TBPL2: variants seen among roughly 807,000 people sequenced by gnomAD.
TBPL2 encodes the protein TATA-box binding protein like 2, also known as TATA box-binding protein-like 2.
TBPL2 carries 40 observed loss-of-function variants against 38.2 expected under a neutral mutation model. The ratio of observed to expected loss-of-function variants is 1.05; its 90% confidence interval spans 0.81 to 1.36. The LOEUF (loss-of-function observed/expected upper bound fraction) is 1.36, where lower values mean the gene tolerates loss of function less well. Among genes scored for constraint, TBPL2 ranks in the 40% most tolerant of loss-of-function variants. The pLI is 0.00. For synonymous variants in TBPL2, 169 were observed against 171.7 expected (o/e 0.98, Z 0.12); for missense variants, 461 against 456.7 (o/e 1.01, Z -0.09).
chr14:55,422,544 C>T (rs936587820), intron 6 of TBPL2, among the ~76,000 whole-genome samples: 38 of 152,106 alleles, frequency 2.5e-4, no homozygotes, highest in Non-Finnish European at 5.0e-4. Flanking sequence ...CCACCGCGCC[C>T]GGTCATAAAA....
chr14:55,419,714 A>G (rs2140165187), intron 6 of TBPL2, among the ~76,000 whole-genome samples: 1 of 152,344 alleles, frequency 6.6e-6, no homozygotes, highest in East Asian at 1.9e-4. Flanking sequence ...ATATGGATAA[A>G]TTATTTTCAA....
At position 55,415,682 on chromosome 14, in the gene TBPL2, C is replaced by A. The variant is rs138930231; in HGVS notation, c.1052-1227G>T. On this transcript the variant is annotated intron_variant, in intron 6 of 6. Coordinates refer to ENST00000247219, the Ensembl canonical transcript of TBPL2. ...GAGTTCAAGACCAGCCTGGCCAACA[C>A]GGCGAAACCCCCGTCTCTACTAAAA... 8.4e-3 allele frequency among the ~76,000 whole-genome samples: 1,281 copies of A among 151,938 alleles called. 18 individuals are homozygous for A. The highest frequency in any genetic ancestry group is 0.029 in the African/African-American group (1,211 of 41,406).
intron 6 of TBPL2, among the ~76,000 whole-genome samples, chr14:55,418,970 A>C (rs1885706246): frequency 6.6e-6 from 1 of 152,246 alleles, no homozygotes; most frequent in Non-Finnish European, 1.5e-5. Flanking sequence ...AAACTCACCA[A>C]GGCCACACAG....
intron 4 of TBPL2, among the ~76,000 whole-genome samples, chr14:55,431,021 A>G (rs10146485): frequency 0.24 from 35,826 of 152,174 alleles, 7,260 homozygotes; most frequent in African/African-American, 0.56. Flanking sequence ...TTGTACAAAC[A>G]TTAGAAAGTA....
chr14:55,414,487 A>G, intron 6 of TBPL2, 32 bp from the exon 7 acceptor site: 1 of 1,458,652 alleles, frequency 6.9e-7, no homozygotes, highest in South Asian at 1.3e-5. Flanking sequence ...TATAATTTTT[A>G]ATATAAAAAT....
intron 4 of TBPL2, among the ~76,000 whole-genome samples, chr14:55,431,525 AGG>A (rs1337354745): frequency 6.6e-5 from 10 of 152,342 alleles, no homozygotes; most frequent in African/African-American, 2.4e-4. Context: ...ATTATTAATT[AGG>A]TTTTCCCTGT....
At chr14:55,437,935 T>C (rs1447585958) in intron 1 of TBPL2, among the ~76,000 whole-genome samples, 1 of 151,384 alleles carries the variant, frequency 6.6e-6, no homozygotes, top group East Asian at 1.9e-4. Flanking sequence ...AATCAATTTA[T>C]TTTCAGTCCA....
intron 6 of TBPL2, among the ~76,000 whole-genome samples, chr14:55,418,690 C>A (rs1885702592): frequency 1.3e-5 from 2 of 152,160 alleles, no homozygotes; most frequent in African/African-American, 4.8e-5. Context: ...AACAATGACA[C>A]AACTTCTTAG....
intron 4 of TBPL2, among the ~76,000 whole-genome samples, chr14:55,430,048 G>T (rs1033159421): frequency 6.6e-6 from 1 of 152,092 alleles, no homozygotes; most frequent in Non-Finnish European, 1.5e-5. Flanking sequence ...TGTCCTTTAA[G>T]TGTCTGTCCT....
intron 4 of TBPL2, among the ~76,000 whole-genome samples, chr14:55,429,784 A>G (rs1471607602): frequency 2.0e-5 from 3 of 150,972 alleles, no homozygotes; most frequent in Non-Finnish European, 3.0e-5. Context: ...AAAAAAAAAA[A>G]AAAAAGAAAA....
rs758683660 is a variant in TBPL2 at position 55,424,143 on chromosome 14, T to A, written c.1051+16A>T. 1.9e-5 allele frequency: 30 copies of A among 1,587,666 alleles called. No homozygotes were observed. Among genetic ancestry groups the A allele is most frequent in the Non-Finnish European group, 2.1e-5 (24 of 1,158,402 alleles). ...CAATTACATTTTATGAGTCAGAAAA[T>A]AATCTTAGCACTTACCTGTCAACAC... On this transcript the variant is annotated intron_variant, in intron 6 of 6. Transcript: ENST00000247219.
intron 6 of TBPL2, among the ~76,000 whole-genome samples, chr14:55,419,989 G>A (rs538771093): frequency 3.3e-4 from 50 of 152,212 alleles, no homozygotes; most frequent in Non-Finnish European, 5.1e-4. Context: ...CCAAGCTTCA[G>A]TTTAGGGAGG....
chr14:55,439,617 C>CCCCCGCCGCCCG lies in TBPL2; in HGVS notation c.150+778_150+779insCGGGCGGCGGGG, dbSNP rs1555344744. On this transcript the variant is annotated intron_variant, in intron 1 of 6. Coordinates refer to ENST00000247219, the Ensembl canonical transcript of TBPL2. ...ACCAGCCTGGGGAGAAAAGCAAACC[C>CCCCCGCCGCCCG]CCCCCCGTCTCTACTAAAAAATACA... Among the ~76,000 whole-genome samples the CCCCCGCCGCCCG allele has an allele frequency of 5.5e-5, 4 of 72,700 alleles. No homozygotes were observed. The East Asian group carries it at 2.3e-3, about 41-fold the overall frequency. The allele number at this position is 72,700 out of a possible 152,430, so 47.7% of individuals were successfully genotyped here. A position where few individuals can be genotyped will look rare whatever the true frequency, so the allele number is the denominator to read the frequency against.
intron 1 of TBPL2, 75 bp from the exon 2 acceptor site, chr14:55,437,093 T>A: frequency 7.5e-7 from 1 of 1,325,484 alleles, no homozygotes; most frequent in Non-Finnish European, 1.1e-6. Context: ...GATGTCACTA[T>A]GGCAGGCAGG....
intron 4 of TBPL2, among the ~76,000 whole-genome samples, chr14:55,432,445 A>AAAAAAAACAC (rs1555344434): frequency 1.3e-5 from 2 of 150,244 alleles, no homozygotes; most frequent in African/African-American, 4.9e-5. Context: ...AACAAACAAC[A>AAAAAAAACAC]AAAAAAACAC....
chr14:55,423,507 C>T (rs1395970954), intron 6 of TBPL2, among the ~76,000 whole-genome samples: 4 of 152,206 alleles, frequency 2.6e-5, no homozygotes, highest in Admixed American at 1.3e-4. Context: ...TGGGACAATA[C>T]GTTTGATTCA....
In TBPL2 at chr14:55,440,387, C is replaced by T; in HGVS notation, c.150+9G>A. On this transcript the variant is annotated intron_variant, in intron 1 of 6. Transcript: ENST00000247219. ...GGTCCTGACTCTGGGACAGTGGCGGCAGCCTCACCTGAGCGGCGCACTGGT... is the reference window on the plus strand; with the variant it reads ...GGTCCTGACTCTGGGACAGTGGCGGTAGCCTCACCTGAGCGGCGCACTGGT... The T allele has an allele frequency of 1.9e-6, 3 of 1,612,920 alleles. No homozygotes were observed. The highest frequency in any genetic ancestry group is 2.2e-5 in the South Asian group (2 of 91,074).
At chr14:55,437,099 G>T in intron 1 of TBPL2, 81 bp from the exon 2 acceptor site, 3 of 1,237,240 alleles carry the variant, frequency 2.4e-6, no homozygotes, top group Non-Finnish European at 1.2e-6. Context: ...ACTATGGCAG[G>T]CAGGCAGGCA....
intron 5 of TBPL2, among the ~76,000 whole-genome samples, chr14:55,425,453 T>C (rs1885806976): frequency 6.6e-6 from 1 of 152,224 alleles, no homozygotes; most frequent in Non-Finnish European, 1.5e-5. Context: ...GTAAATGATA[T>C]TGAACTGCAT....
Sources: gnomAD v4.1 joint callset for allele counts (sites outside exome capture counted in the v4.1 genomes callset) on GRCh38, gnomAD v4.1.1 for gene constraint, MANE v1.5 for transcripts, NCBI Gene and HGNC (gene_info 2026-07-23, HGNC 2026-07-21) for gene names.